The following LGSN variants were observed in gnomAD, a reference collection of about 807,000 sequenced individuals.
LGSN encodes lengsin, lens protein with glutamine synthetase domain, also known as lengsin.
A neutral mutation model predicts 19.5 loss-of-function variants in LGSN; 21 were observed. The observed-to-expected ratio is 1.07, with a 90% CI of 0.76 to 1.55. LGSN has a LOEUF of 1.55. Among genes scored for constraint, LGSN ranks in the 40% most tolerant of loss-of-function variants. The pLI is 0.00. For synonymous variants in LGSN, 257 were observed against 215.6 expected, an observed-to-expected ratio of 1.19 and a Z score of -1.68; for missense variants, 673 against 608.5, an observed-to-expected ratio of 1.11 and a Z score of -1.12.
the LGSN span, among the ~76,000 whole-genome samples, chr6:63,500,197 G>A: frequency 6.6e-6 from 1 of 152,010 alleles, no homozygotes; most frequent in East Asian, 1.9e-4. Flanking sequence ...ACAAAGCAGA[G>A]CTAAAGCCAA....
the LGSN span, chr6:63,441,239 G>A: frequency 9.3e-5 from 31 of 334,430 alleles, no homozygotes; most frequent in African/African-American, 5.1e-4. Flanking sequence ...TTCTCCCGTC[G>A]GATTTCTGTG....
the LGSN span, among the ~76,000 whole-genome samples, chr6:63,443,019 C>T: frequency 8.5e-5 from 13 of 152,336 alleles, no homozygotes; most frequent in East Asian, 1.7e-3. Flanking sequence ...GTCAGGGAGG[C>T]TCGGACCATG....
chr6:63,399,334 C>T, the LGSN span, among the ~76,000 whole-genome samples: 2 of 152,016 alleles, frequency 1.3e-5, no homozygotes, highest in East Asian at 3.9e-4. Context: ...ACAATGAAAT[C>T]ACTTAATGAC....
the LGSN span, among the ~76,000 whole-genome samples, chr6:63,434,409 T>A: frequency 4.3e-5 from 6 of 138,620 alleles, no homozygotes; most frequent in African/African-American, 1.7e-4. Context: ...CACTGCACTC[T>A]AGCCTAAGCA....
chr6:63,540,116 T>C, the LGSN span, among the ~76,000 whole-genome samples: 4 of 152,132 alleles, frequency 2.6e-5, no homozygotes, highest in Non-Finnish European at 5.9e-5. Context: ...CCTAAGACAT[T>C]TTGAACATCC....
At chr6:63,548,635 C>A in the LGSN span, 1 of 396,780 alleles carries the variant, frequency 2.5e-6, no homozygotes, top group South Asian at 2.9e-5. Flanking sequence ...AAACACAACC[C>A]TGATTTAATT....
chr6:63,365,255 A>G, the LGSN span, among the ~76,000 whole-genome samples: 11 of 152,236 alleles, frequency 7.2e-5, no homozygotes, highest in Non-Finnish European at 1.5e-4. Context: ...GAAAGGGGAT[A>G]TCACCATCGA....
chr6:63,320,824 T>C (rs1222185956), upstream of LGSN, among the ~76,000 whole-genome samples: 2 of 152,206 alleles, frequency 1.3e-5, no homozygotes, highest in Non-Finnish European at 2.9e-5. Context: ...CCTGGTCTTC[T>C]GGGCCTGAGG....
At chr6:63,524,644 T>C in the LGSN span, among the ~76,000 whole-genome samples, 2 of 152,230 alleles carry the variant, frequency 1.3e-5, no homozygotes, top group Non-Finnish European at 2.9e-5. Flanking sequence ...TTCTACTGAA[T>C]GACTCTGAGC....
chr6:63,453,018 T>A, the LGSN span, among the ~76,000 whole-genome samples: 1 of 152,180 alleles, frequency 6.6e-6, no homozygotes, highest in East Asian at 1.9e-4. Flanking sequence ...AAATATTTTA[T>A]AATTTTAACT....
At chr6:63,437,780 A>AT in the LGSN span, among the ~76,000 whole-genome samples, 1 of 152,108 alleles carries the variant, frequency 6.6e-6, no homozygotes, top group Non-Finnish European at 1.5e-5. Flanking sequence ...AAATACAAAA[A>AT]TGAGCCAGGT....
the LGSN span, among the ~76,000 whole-genome samples, chr6:63,420,893 C>T: frequency 6.6e-6 from 1 of 151,676 alleles, no homozygotes; most frequent in Non-Finnish European, 1.5e-5. Context: ...TTTTTTTAAT[C>T]TCAGCAAAGA....
chr6:63,386,082 T>C, the LGSN span, among the ~76,000 whole-genome samples: 3 of 152,356 alleles, frequency 2.0e-5, no homozygotes, highest in African/African-American at 7.2e-5. Flanking sequence ...TAGAAATACA[T>C]ACAATTTCTC....
chr6:63,530,716 G>A, the LGSN span, among the ~76,000 whole-genome samples: 2 of 152,086 alleles, frequency 1.3e-5, no homozygotes, highest in Admixed American at 6.6e-5. Context: ...TCAGAAGGAA[G>A]TACATCAAAA....
the LGSN span, among the ~76,000 whole-genome samples, chr6:63,483,115 C>A: frequency 6.6e-6 from 1 of 152,192 alleles, no homozygotes; most frequent in African/African-American, 2.4e-5. Context: ...ATGCTTTCAG[C>A]AGCCACTAAC....
At chr6:63,559,217 T>G in the LGSN span, among the ~76,000 whole-genome samples, 425 of 152,264 alleles carry the variant, frequency 2.8e-3, 3 homozygotes, top group African/African-American at 9.6e-3. Context: ...AAATACTCCC[T>G]TGTAACAAAG....
chr6:63,338,972 CTG>C, the LGSN span, among the ~76,000 whole-genome samples: 4 of 152,096 alleles, frequency 2.6e-5, no homozygotes, highest in Admixed American at 2.6e-4. Context: ...TATTTGAAAA[CTG>C]TACATTTTCA....
At chr6:63,403,660 T>A in the LGSN span, among the ~76,000 whole-genome samples, 1 of 151,980 alleles carries the variant, frequency 6.6e-6, no homozygotes, top group African/African-American at 2.4e-5. Context: ...AGAAGACAAA[T>A]TAGCAATATC....
chr6:63,340,838 T>TTGTGTG, the LGSN span, among the ~76,000 whole-genome samples: 1,832 of 146,784 alleles, frequency 0.012, 28 homozygotes, highest in African/African-American at 0.039. Flanking sequence ...TTTTTATGGT[T>TTGTGTG]TGTGTGTGTG....
Sources: gnomAD v4.1 joint callset for allele counts (sites outside exome capture counted in the v4.1 genomes callset) on GRCh38, gnomAD v4.1.1 for gene constraint, MANE v1.5 for transcripts, NCBI Gene and HGNC (gene_info 2026-07-23, HGNC 2026-07-21) for gene names.